The following PPARG variants were observed in gnomAD, a reference collection of about 807,000 sequenced individuals.
The protein encoded by PPARG is peroxisome proliferator-activated receptor gamma.
A neutral mutation model predicts 39.2 loss-of-function variants in PPARG; 17 were observed. The observed-to-expected ratio is 0.43, with a 90% CI of 0.30 to 0.65. The LOEUF (loss-of-function observed/expected upper bound fraction) is 0.65. PPARG is among the 30% of genes least tolerant of loss of function. The probability of loss-of-function intolerance (pLI) is 0.13; values close to 1 mark genes in which losing one functional copy is unlikely to be tolerated. For synonymous variants in PPARG, 223 were observed against 215.7 expected (o/e 1.03, Z -0.30); for missense variants, 406 against 585.9 (o/e 0.69, Z 3.17).
At chr3:12,366,899 C>A (rs2125132963) in intron 2 of PPARG, among the ~76,000 whole-genome samples, 1 of 152,218 alleles carries the variant, frequency 6.6e-6, no homozygotes, top group East Asian at 1.9e-4. Flanking sequence ...TAGGGTAATT[C>A]TAGCCTCATT....
intron 7 of PPARG, among the ~76,000 whole-genome samples, chr3:12,427,215 G>T (rs374961598): frequency 9.8e-5 from 2 of 20,400 alleles, no homozygotes; most frequent in African/African-American, 4.3e-4. Context: ...TGCTGAATTG[G>T]ATCAGAAAAG....
At chr3:12,323,765 A>G (rs1197044977) in intron 2 of PPARG, among the ~76,000 whole-genome samples, 2 of 152,150 alleles carry the variant, frequency 1.3e-5, no homozygotes, top group Non-Finnish European at 2.9e-5. Context: ...AAGAATAAAA[A>G]AAAAAAGAGT....
Position 12,379,761 on chromosome 3 carries a change from C to G in PPARG, c.50C>G (p.Ser17Cys), listed in dbSNP as rs772234905. ...PFWPTNFGIS[S>C]VDLSVMEDHS... is the part of the protein sequence containing the mutation. ...TGGCCCACCAACTTTGGGATCAGCTCCGTGGATCTCTCCGTAATGGAAGAC... is the reference window on the plus strand; with the variant it reads ...TGGCCCACCAACTTTGGGATCAGCTGCGTGGATCTCTCCGTAATGGAAGAC... The change falls in exon 3 of 8, where the codon TCC (serine) becomes TGC (cysteine). Residue 17 changes from serine to cysteine, a missense_variant. By Grantham distance (112) the Ser-to-Cys change is moderately radical. Transcript: ENST00000651735. 1.2e-6 allele frequency: 2 copies of G among 1,613,938 alleles called. No homozygotes were observed. Among genetic ancestry groups the G allele is most frequent in the East Asian group, 4.5e-5 (2 of 44,862 alleles).
chr3:12,428,203 A>T (rs1412205654), intron 7 of PPARG, among the ~76,000 whole-genome samples: 1 of 152,254 alleles, frequency 6.6e-6, no homozygotes, highest in Non-Finnish European at 1.5e-5. Flanking sequence ...TCCACTTAAC[A>T]GTACCAGATC....
chr3:12,310,901 T>C (rs1287391159), intron 1 of PPARG, among the ~76,000 whole-genome samples: 1 of 151,502 alleles, frequency 6.6e-6, no homozygotes, highest in East Asian at 1.9e-4. Flanking sequence ...ATGAGCGGTT[T>C]CGCTGTGGGT....
intron 7 of PPARG, among the ~76,000 whole-genome samples, chr3:12,425,560 G>A (rs1218460776): frequency 2.6e-5 from 4 of 152,126 alleles, no homozygotes; most frequent in Admixed American, 6.5e-5. Context: ...TCAGGGCATG[G>A]AGATGGCAGG....
At chr3:12,288,135 A>G (rs1384905643), upstream of PPARG, 1 of 152,346 alleles carries the variant, frequency 6.6e-6, no homozygotes, top group East Asian at 2.0e-4. Context: ...GGCCGAGGAA[A>G]CGGGAACTGA....
rs553880364 is a variant in PPARG at position 12,432,691 on chromosome 3, AAAT to A, written c.1181-1204_1181-1202del. The stretch of plus-strand genomic sequence containing the variant: ...AGGTTAATGCTGCAAAAGAAGAAAT[AAAT>A]AAAGCTACCATTGCTGATATAATTA... On this transcript the variant is annotated intron_variant, in intron 7 of 7. Transcript: ENST00000651735. 9.9e-4 allele frequency among the ~76,000 whole-genome samples: 151 copies of A among 152,340 alleles called. 1 individual carries two copies. The highest frequency in any genetic ancestry group is 1.8e-3 in the Non-Finnish European group (120 of 68,030).
intron 6 of PPARG, among the ~76,000 whole-genome samples, chr3:12,415,944 A>T (rs709155): frequency 0.28 from 42,476 of 152,208 alleles, 6,696 homozygotes; most frequent in East Asian, 0.42. Flanking sequence ...AAGAAAAAAA[A>T]ATTTTTTTAA....
At chr3:12,318,813 A>T (rs564474195) in intron 2 of PPARG, among the ~76,000 whole-genome samples, 2 of 152,032 alleles carry the variant, frequency 1.3e-5, no homozygotes, top group African/African-American at 4.8e-5. Context: ...AGCTAGTTCC[A>T]TGGGGCAAAA....
chr3:12,355,429 G>A (rs937824679), intron 2 of PPARG, among the ~76,000 whole-genome samples: 3 of 152,072 alleles, frequency 2.0e-5, no homozygotes, highest in Non-Finnish European at 4.4e-5. Flanking sequence ...AGCCATCGCA[G>A]CCTGCCCCTG....
rs749426841 is a variant in PPARG at position 12,293,698 on chromosome 3, A to T, written c.-83+4564A>T. On this transcript the variant is annotated intron_variant, in intron 1 of 7. Transcript: ENST00000651735. ...TCTCAGTTTGCCACTTAGCACTGTT[A>T]TTCTTTCTGGCTCTATACTAAAGGA... Among the ~76,000 whole-genome samples the T allele has an allele frequency of 1.3e-5, 2 of 152,168 alleles. 1 individual carries two copies. Among genetic ancestry groups the T allele is most frequent in the Non-Finnish European group, 2.9e-5 (2 of 68,020 alleles).
chr3:12,424,027 C>A (rs1220382925), intron 7 of PPARG, among the ~76,000 whole-genome samples: 3 of 152,210 alleles, frequency 2.0e-5, no homozygotes, highest in African/African-American at 7.2e-5. Flanking sequence ...ACTCCTCTCA[C>A]CATGCCCCCA....
At position 12,379,759 on chromosome 3, in the gene PPARG, C is replaced by T; in HGVS notation, c.48C>T (p.Ser16=). Residue 16 remains serine, a synonymous_variant, in exon 3 of 8, where the codon AGC becomes AGT. Coordinates refer to ENST00000651735, the MANE Select transcript of PPARG (RefSeq NM_138711.6). The part of the protein sequence containing the change: ...MPFWPTNFGI[S]SVDLSVMEDH... The stretch of plus-strand genomic sequence containing the variant: ...TCTGGCCCACCAACTTTGGGATCAG[C>T]TCCGTGGATCTCTCCGTAATGGAAG... 1 of 1,614,046 alleles carries T rather than the reference C, an allele frequency of 6.2e-7. No homozygotes were observed. Among genetic ancestry groups the T allele is most frequent in the Non-Finnish European group, 8.5e-7 (1 of 1,179,954 alleles).
In PPARG at chr3:12,421,163, C is replaced by A. The variant is rs112028880; in HGVS notation, c.1180+4009C>A. Among the ~76,000 whole-genome samples the A allele has an allele frequency of 3.0e-3, 454 of 152,370 alleles. 1 individual carries two copies. The highest frequency in any genetic ancestry group is 0.01 in the African/African-American group (431 of 41,588). On this transcript the variant is annotated intron_variant, in intron 7 of 7. Transcript: ENST00000651735. Reference sequence around the variant, plus strand: ...TAACACTGAAACCTGGGTGTCCTAACTGTCCCCTCTGGCCCTGGCCAGTGG... The same window carrying A: ...TAACACTGAAACCTGGGTGTCCTAAATGTCCCCTCTGGCCCTGGCCAGTGG...
At chr3:12,310,662 A>G (rs2047208058) in intron 1 of PPARG, among the ~76,000 whole-genome samples, 1 of 94,728 alleles carries the variant, frequency 1.1e-5, no homozygotes, top group Non-Finnish European at 2.3e-5. Flanking sequence ...ACGGGGTTTC[A>G]CCATTTTAGC....
At chr3:12,366,644 T>C (rs1164573261) in intron 2 of PPARG, among the ~76,000 whole-genome samples, 1 of 152,138 alleles carries the variant, frequency 6.6e-6, no homozygotes, top group Non-Finnish European at 1.5e-5. Flanking sequence ...TCTGCATTTA[T>C]TGATATGATC....
chr3:12,357,319 G>T (rs1423079465), intron 2 of PPARG, among the ~76,000 whole-genome samples: 1 of 151,968 alleles, frequency 6.6e-6, no homozygotes, highest in African/African-American at 2.4e-5. Context: ...AAGCACGCCG[G>T]CCTCCTTGCT....
At chr3:12,388,620 T>C (rs1230094743) in intron 4 of PPARG, among the ~76,000 whole-genome samples, 1 of 152,176 alleles carries the variant, frequency 6.6e-6, no homozygotes, top group Admixed American at 6.5e-5. Flanking sequence ...TAGTTCCAAA[T>C]AATATCAGCA....
Sources: allele counts gnomAD v4.1 joint callset (sites outside exome capture counted in the v4.1 genomes callset), GRCh38; gene constraint gnomAD v4.1.1; transcripts MANE v1.5; gene names NCBI Gene and HGNC (gene_info 2026-07-23, HGNC 2026-07-21).